The following SNTG2 variants were observed in gnomAD, a reference collection of about 807,000 sequenced individuals.
SNTG2 encodes the protein gamma-2-syntrophin.
Under a neutral mutation model 70.9 loss-of-function variants are expected in SNTG2, and 74 were observed. The observed-to-expected ratio is 1.04, with a 90% CI of 0.86 to 1.27. The LOEUF (loss-of-function observed/expected upper bound fraction) is 1.27. Ranked by LOEUF, SNTG2 falls within the 50% of genes most tolerant of loss-of-function variation. SNTG2 has a pLI of 0.00. For synonymous variants in SNTG2, 278 were observed against 273.8 expected, an observed-to-expected ratio of 1.02 and a Z score of -0.15; for missense variants, 717 against 690.7, an observed-to-expected ratio of 1.04 and a Z score of -0.43.
chr2:1,197,710 C>G (rs1673015404), intron 8 of SNTG2, among the ~76,000 whole-genome samples: 1 of 151,720 alleles, frequency 6.6e-6, no homozygotes, highest in Non-Finnish European at 1.5e-5. Context: ...AATTTTTGTA[C>G]TTTGGTAGGG....
intron 8 of SNTG2, among the ~76,000 whole-genome samples, chr2:1,187,251 G>A (rs1185892697): frequency 2.6e-5 from 4 of 152,208 alleles, no homozygotes; most frequent in Middle Eastern, 3.2e-3. Context: ...TGGCTAGGAC[G>A]TGGTACCCAG....
At chr2:1,146,594 G>T (rs935475029) in intron 6 of SNTG2, among the ~76,000 whole-genome samples, 14 of 152,164 alleles carry the variant, frequency 9.2e-5, no homozygotes, top group Non-Finnish European at 1.8e-4. Context: ...AGCCAATGCA[G>T]TATTGAAGTA....
At chr2:1,365,864 A>T (rs1403464681) in intron 16 of SNTG2, among the ~76,000 whole-genome samples, 1 of 152,216 alleles carries the variant, frequency 6.6e-6, no homozygotes, top group Non-Finnish European at 1.5e-5. Context: ...TGAGTTATAA[A>T]GAAAAGCAGC....
intron 1 of SNTG2, among the ~76,000 whole-genome samples, chr2:1,059,771 A>G (rs1262515669): frequency 6.6e-6 from 1 of 152,210 alleles, no homozygotes; most frequent in Non-Finnish European, 1.5e-5. Flanking sequence ...AATCTAGAAT[A>G]CATTAAAGCT....
At chr2:1,315,344 C>A (rs1450084783) in intron 15 of SNTG2, among the ~76,000 whole-genome samples, 1 of 152,174 alleles carries the variant, frequency 6.6e-6, no homozygotes, top group African/African-American at 2.4e-5. Context: ...CGTCAATGGT[C>A]AGATGGGATA....
intron 1 of SNTG2, among the ~76,000 whole-genome samples, chr2:1,032,383 A>G (rs1481626094): frequency 6.6e-6 from 1 of 152,218 alleles, no homozygotes; most frequent in African/African-American, 2.4e-5. Context: ...ACACACACGC[A>G]CGCACATATA....
chr2:1,359,106 T>C (rs1661007293), intron 16 of SNTG2, among the ~76,000 whole-genome samples: 1 of 152,166 alleles, frequency 6.6e-6, no homozygotes, highest in African/African-American at 2.4e-5. Flanking sequence ...TGACATATCT[T>C]GGAGATGGGA....
chr2:965,330 A>G (rs1475521405), intron 1 of SNTG2, among the ~76,000 whole-genome samples: 16 of 95,982 alleles, frequency 1.7e-4, no homozygotes, highest in African/African-American at 6.2e-4. Context: ...TTGGACCCCA[A>G]TCCTCCTCCT....
At chr2:1,308,407 C>T in intron 14 of SNTG2, 87 bp from the exon 15 acceptor site, 3 of 1,240,372 alleles carry the variant, frequency 2.4e-6, no homozygotes, top group Non-Finnish European at 3.4e-6. Context: ...AATTTTTGAC[C>T]AAAGGGGGGT....
chr2:953,827 A>T (rs1302854749), intron 1 of SNTG2, among the ~76,000 whole-genome samples: 1 of 152,124 alleles, frequency 6.6e-6, no homozygotes, highest in Non-Finnish European at 1.5e-5. Flanking sequence ...TGAATGGTGT[A>T]TGTGGAGCAA....
In SNTG2 at chr2:1,222,063, GTTTCTCTCTGTCTCTGTCTCTGTCTC is replaced by G. The variant is rs1558553171; in HGVS notation, c.719+12835_719+12860del. On this transcript the variant is annotated intron_variant, in intron 9 of 16. Transcript: ENST00000308624. ...TCTCTCTCTGTCTCTCTCTGTCTCTGTTTCTCTCTGTCTCTGTCTCTGTCTCTCTCTGTCTCTCTCTGTCTCTCTCT... is the reference window on the plus strand; with the variant it reads ...TCTCTCTCTGTCTCTCTCTGTCTCTGTCTCTGTCTCTCTCTGTCTCTCTCT... Among the ~76,000 whole-genome samples the G allele has an allele frequency of 3.3e-3, 14 of 4,198 alleles. 2 individuals carry two copies. Among genetic ancestry groups the G allele is most frequent in the Non-Finnish European group, 5.0e-3 (10 of 2,008 alleles). The allele number at this position is 4,198 out of a possible 152,430, so 2.8% of individuals were successfully genotyped here.
chr2:1,221,369 C>G (rs1039521089), intron 9 of SNTG2, among the ~76,000 whole-genome samples: 6 of 149,666 alleles, frequency 4.0e-5, no homozygotes, highest in South Asian at 4.2e-4. Flanking sequence ...CTGCCTCTCT[C>G]TGTGTCTCTC....
chr2:1,089,653 G>C (rs1279239230), intron 2 of SNTG2, among the ~76,000 whole-genome samples: 4 of 152,094 alleles, frequency 2.6e-5, no homozygotes, highest in Admixed American at 6.5e-5. Context: ...AATAATAATA[G>C]TTTACATATG....
intron 1 of SNTG2, among the ~76,000 whole-genome samples, chr2:1,070,777 C>T (rs1282725934): frequency 3.3e-5 from 5 of 152,198 alleles, no homozygotes; most frequent in Non-Finnish European, 5.9e-5. Flanking sequence ...GATTTTACTA[C>T]GATAATTTCT....
At chr2:1,074,669 C>T (rs144345024) in intron 1 of SNTG2, among the ~76,000 whole-genome samples, 2 of 152,186 alleles carry the variant, frequency 1.3e-5, no homozygotes, top group South Asian at 2.1e-4. Flanking sequence ...TTAAACACAC[C>T]TCCTACAATT....
chr2:1,244,242 G>A (rs1358375809), intron 11 of SNTG2, among the ~76,000 whole-genome samples: 1 of 152,230 alleles, frequency 6.6e-6, no homozygotes, highest in Non-Finnish European at 1.5e-5. Context: ...AGAAGGGGAT[G>A]TGTTCGCCAT....
intron 4 of SNTG2, among the ~76,000 whole-genome samples, chr2:1,114,784 TG>T: frequency 6.6e-6 from 1 of 152,302 alleles, no homozygotes; most frequent in African/African-American, 2.4e-5. Flanking sequence ...AAGGATCGTG[TG>T]TACTAAGGGA....
At chr2:1,064,298 A>G (rs968555690) in intron 1 of SNTG2, among the ~76,000 whole-genome samples, 1 of 152,112 alleles carries the variant, frequency 6.6e-6, no homozygotes, top group African/African-American at 2.4e-5. Flanking sequence ...GATGTACTTC[A>G]GACTGAAAGG....
At chr2:1,213,915 T>A (rs1674209339) in intron 9 of SNTG2, among the ~76,000 whole-genome samples, 1 of 151,972 alleles carries the variant, frequency 6.6e-6, no homozygotes, top group South Asian at 2.1e-4. Context: ...CTTAATCCAT[T>A]TTGATTTTTG....
Sources: allele counts gnomAD v4.1 joint callset (sites outside exome capture counted in the v4.1 genomes callset), GRCh38; gene constraint gnomAD v4.1.1; transcripts MANE v1.5; gene names NCBI Gene and HGNC (gene_info 2026-07-23, HGNC 2026-07-21).